Variants in PARD3B observed in about 807,000 individuals in gnomAD.
PARD3B encodes partitioning defective 3 homolog B.
In PARD3B, 103 loss-of-function variants were observed where a neutral mutation model predicts 130.2. The observed-to-expected ratio is 0.79, with a 90% CI of 0.67 to 0.93. The LOEUF (loss-of-function observed/expected upper bound fraction) is 0.93. Among genes scored for constraint, PARD3B ranks in the 40% least tolerant of loss-of-function variants. The pLI, the probability that PARD3B is intolerant of heterozygous loss-of-function variation, is 0.00. For synonymous variants in PARD3B, 583 were observed against 553.2 expected, an observed-to-expected ratio of 1.05 and a Z score of -0.76; for missense variants, 1,609 against 1,499.2, an observed-to-expected ratio of 1.07 and a Z score of -1.21.
chr2:204,861,006 C>T (rs538628159), intron 2 of PARD3B, among the ~76,000 whole-genome samples: 75 of 152,210 alleles, frequency 4.9e-4, no homozygotes, highest in African/African-American at 1.4e-3. Context: ...CACTGAATTA[C>T]TTAGGGGGTT....
chr2:204,853,178 T>G (rs992210491), intron 2 of PARD3B, among the ~76,000 whole-genome samples: 6 of 152,204 alleles, frequency 3.9e-5, no homozygotes, highest in African/African-American at 1.4e-4. Context: ...TATTACTATA[T>G]TCTAGCTCCG....
At chr2:205,162,601 G>T (rs1410138071) in intron 11 of PARD3B, among the ~76,000 whole-genome samples, 5 of 152,350 alleles carry the variant, frequency 3.3e-5, no homozygotes, top group East Asian at 1.9e-4. Flanking sequence ...TATGTCAACT[G>T]CTTCTGAAAG....
At chr2:205,086,514 A>G (rs183183320) in intron 4 of PARD3B, among the ~76,000 whole-genome samples, 52 of 152,136 alleles carry the variant, frequency 3.4e-4, no homozygotes, top group Admixed American at 8.5e-4. Flanking sequence ...TTCTCTGTCA[A>G]TTTTTTTCCC....
In PARD3B at chr2:205,589,705, A is replaced by G. The variant is rs2054317740; in HGVS notation, c.3261-25751A>G. Among the ~76,000 whole-genome samples, 1 of 152,198 alleles carries G rather than the reference A, an allele frequency of 6.6e-6. No homozygotes were observed. The highest frequency in any genetic ancestry group is 2.4e-5 in the African/African-American group (1 of 41,448). ...GGAGAATTGCTAGAGGACTCGAGTT[A>G]GGGATGATTCACTTTCTCAGAAGTA... On this transcript the variant is annotated intron_variant, in intron 22 of 22. Transcript: ENST00000406610. The surrounding 1 kb of genome is among the most constrained non-coding windows in gnomAD (Gnocchi z 4.1).
At chr2:204,830,577 G>T (rs2043780443) in intron 2 of PARD3B, among the ~76,000 whole-genome samples, 1 of 152,096 alleles carries the variant, frequency 6.6e-6, no homozygotes, top group South Asian at 2.1e-4. Flanking sequence ...TAATGAACTG[G>T]AATTTGAACC....
chr2:205,152,576 A>G (rs1309969908), intron 10 of PARD3B, among the ~76,000 whole-genome samples: 1 of 152,114 alleles, frequency 6.6e-6, no homozygotes, highest in African/African-American at 2.4e-5. Flanking sequence ...TGTGTCACGT[A>G]GTTCTCTTGC....
At position 205,425,500 on chromosome 2, in the gene PARD3B, A is replaced by G. The variant is rs547018872; in HGVS notation, c.2742-14870A>G. Among the ~76,000 whole-genome samples, 22 of 150,006 alleles carry G rather than the reference A, an allele frequency of 1.5e-4. 1 individual carries two copies. In the South Asian group the frequency reaches 4.9e-3, roughly 33 times the overall value. On this transcript the variant is annotated intron_variant, in intron 19 of 22. Transcript: ENST00000406610. ...TGGCATTGTAAAAAATGCAACTCGTAGGTAGGAATTGCAAATCCCATTAGT... is the reference window on the plus strand; with the variant it reads ...TGGCATTGTAAAAAATGCAACTCGTGGGTAGGAATTGCAAATCCCATTAGT...
intron 18 of PARD3B, among the ~76,000 whole-genome samples, chr2:205,387,610 C>G (rs559886987): frequency 3.3e-4 from 50 of 152,156 alleles, no homozygotes; most frequent in African/African-American, 1.2e-3. Context: ...TATATTGGCT[C>G]GAGTTTCCAA....
intron 18 of PARD3B, among the ~76,000 whole-genome samples, chr2:205,305,030 T>C (rs961099172): frequency 1.3e-5 from 2 of 152,172 alleles, no homozygotes; most frequent in Non-Finnish European, 2.9e-5. Flanking sequence ...CATAAATTGG[T>C]CCACATCCCA....
At chr2:205,577,802 G>T (rs1207219248) in intron 22 of PARD3B, among the ~76,000 whole-genome samples, 2 of 152,138 alleles carry the variant, frequency 1.3e-5, no homozygotes, top group African/African-American at 2.4e-5. Flanking sequence ...AATGCAGTTG[G>T]TTTTTAAAGC....
chr2:204,748,202 T>G (rs886476493), intron 2 of PARD3B, among the ~76,000 whole-genome samples: 2 of 152,122 alleles, frequency 1.3e-5, no homozygotes, highest in African/African-American at 4.8e-5. Flanking sequence ...GATGCCACAT[T>G]TTTTTCTTAA....
intron 4 of PARD3B, among the ~76,000 whole-genome samples, chr2:205,081,473 G>A (rs752329670): frequency 4.6e-5 from 7 of 151,884 alleles, no homozygotes; most frequent in Admixed American, 6.6e-5. Context: ...AAATGGTGAC[G>A]ATCTTCTCAA....
intron 3 of PARD3B, among the ~76,000 whole-genome samples, chr2:205,033,137 CCAA>C (rs1326572230): frequency 6.6e-6 from 1 of 152,060 alleles, no homozygotes; most frequent in Non-Finnish European, 1.5e-5. Flanking sequence ...TTGGTACAGA[CCAA>C]CAACAATGCC....
In PARD3B at chr2:205,113,531, C is replaced by A. The variant is rs1317235472; in HGVS notation, c.634C>A (p.Pro212Thr). The A allele has an allele frequency of 6.2e-7, 1 of 1,612,918 alleles. No homozygotes were observed. Among genetic ancestry groups the A allele is most frequent in the Admixed American group, 1.7e-5 (1 of 59,874 alleles). ...RTVEISGEGGPLGIHVVPFFS... is the reference protein window; with the variant it reads ...RTVEISGEGGTLGIHVVPFFS... ...AGTGGAGATTTCTGGGGAAGGAGGC[C>A]CATTGGGAATACATGTAGTGCCCTT... Residue 212 changes from proline (P) to threonine (T), a missense_variant, in exon 6 of 23, where the codon CCA becomes ACA. Transcript: ENST00000406610.
At chr2:205,039,689 C>T (rs1262068875) in intron 3 of PARD3B, among the ~76,000 whole-genome samples, 2 of 152,036 alleles carry the variant, frequency 1.3e-5, no homozygotes, top group Non-Finnish European at 2.9e-5. Context: ...AGGCTGGTCT[C>T]GAACTCCTGA....
chr2:204,959,132 G>A (rs1033720409), intron 2 of PARD3B, among the ~76,000 whole-genome samples: 2 of 151,710 alleles, frequency 1.3e-5, no homozygotes, highest in African/African-American at 2.4e-5. Flanking sequence ...CCCCTTTCCC[G>A]CCACTCCCCC....
chr2:205,209,805 A>C (rs796486170), intron 15 of PARD3B, among the ~76,000 whole-genome samples: 6 of 152,106 alleles, frequency 3.9e-5, no homozygotes, highest in African/African-American at 1.4e-4. Flanking sequence ...AAATATAAAA[A>C]AAAATTAGAA....
intron 1 of PARD3B, among the ~76,000 whole-genome samples, chr2:204,583,949 G>A (rs2032705500): frequency 6.6e-6 from 1 of 152,240 alleles, no homozygotes; most frequent in South Asian, 2.1e-4. Flanking sequence ...GGGCCTGCTT[G>A]CCCAAGTTCC....
chr2:204,978,918 C>A, intron 3 of PARD3B, among the ~76,000 whole-genome samples: 1 of 141,118 alleles, frequency 7.1e-6, no homozygotes. Context: ...GAACAGAGAT[C>A]ACACCACTGC....
Sources: gnomAD v4.1 joint callset for allele counts (sites outside exome capture counted in the v4.1 genomes callset) on GRCh38, gnomAD v4.1.1 for gene constraint, Gnocchi (gnomAD v3.1) non-coding constraint, MANE v1.5 for transcripts, NCBI Gene and HGNC (gene_info 2026-07-23, HGNC 2026-07-21) for gene names.